YTHDC2: variants seen among roughly 807,000 people sequenced by gnomAD.
YTHDC2 encodes 3'-5' RNA helicase YTHDC2.
YTHDC2 carries 45 observed loss-of-function variants against 174.9 expected under a neutral mutation model. The ratio of observed to expected loss-of-function variants is 0.26; its 90% CI spans 0.20 to 0.33. The LOEUF (loss-of-function observed/expected upper bound fraction) is 0.33, where lower values mean the gene tolerates loss of function less well. Ranked by LOEUF, YTHDC2 falls within the 10% of genes least tolerant of loss-of-function variation. The pLI is 1.00. For missense variants in YTHDC2, 1,650 were observed against 1,723.7 expected (o/e 0.96, Z 0.76); for synonymous variants, 657 against 574.5 (o/e 1.14, Z -2.05).
chr5:113,513,981 G>T lies in YTHDC2; in HGVS notation c.86G>T (p.Gly29Val). 5 of 1,603,210 alleles carry T rather than the reference G, an allele frequency of 3.1e-6. No homozygotes were observed. Among genetic ancestry groups the T allele is most frequent in the Non-Finnish European group, 4.3e-6 (5 of 1,175,764 alleles). The part of the protein sequence containing the change: ...GGGPSPCGPG[G>V]GGRAKGLKDI... ...GGCCCCTCGCCTTGTGGCCCTGGGGGCGGCGGCCGGGCCAAGGGGCTGAAG... is the reference window on the plus strand; with the variant it reads ...GGCCCCTCGCCTTGTGGCCCTGGGGTCGGCGGCCGGGCCAAGGGGCTGAAG... Residue 29 changes from glycine (G) to valine (V), a missense_variant, in exon 1 of 30, where the codon GGC becomes GTC. Physicochemically the swap from Gly to Val is moderately radical, Grantham distance 109 (BLOSUM62 -3). This residue lies in a region of YTHDC2 where 304 missense variants were observed against 341.4 expected (regional missense o/e 0.89). Transcript: ENST00000161863.
intron 17 of YTHDC2, among the ~76,000 whole-genome samples, chr5:113,560,124 G>C (rs1776861373): frequency 6.6e-6 from 1 of 152,184 alleles, no homozygotes; most frequent in South Asian, 2.1e-4. Flanking sequence ...TTTTATGAAA[G>C]TTTTTGTGGG....
rs1777187018 is a variant in YTHDC2 at position 113,564,143 on chromosome 5, G to A, written c.2715+12G>A. On this transcript the variant is annotated intron_variant, in intron 20 of 29. Coordinates refer to ENST00000161863, the MANE Select transcript of YTHDC2 (RefSeq NM_022828.5). ...TCAGAGCATTCCAGGTACTATTACT[G>A]TCATTTTATTTCTGAAGACGTTGCT... 3 of 1,587,576 alleles carry A rather than the reference G, an allele frequency of 1.9e-6. No homozygotes were observed. Among genetic ancestry groups the A allele is most frequent in the Non-Finnish European group, 2.6e-6 (3 of 1,163,490 alleles).
intron 23 of YTHDC2, among the ~76,000 whole-genome samples, chr5:113,578,076 C>A (rs369868224): frequency 6.6e-6 from 1 of 152,086 alleles, no homozygotes; most frequent in African/African-American, 2.4e-5. Context: ...TTTTGTCTTA[C>A]TGAATTTTAA....
In YTHDC2 at chr5:113,515,348, C is replaced by T. The variant is rs1381247971; in HGVS notation, c.264C>T (p.Val88=). ...IHRLSQSLGL[V]SKSKGKGANR... ...GACTCAGTCAGTCTCTTGGTTTGGT[C>T]TCTAAAAGTAAAGGGTAAGCTGGTA... The change falls in exon 2 of 30, where the codon GTC becomes GTT. Residue 88 remains valine, a synonymous_variant. Coordinates refer to ENST00000161863, the MANE Select transcript of YTHDC2 (RefSeq NM_022828.5). 1 of 1,611,794 alleles carries T rather than the reference C, an allele frequency of 6.2e-7. No homozygotes were observed. The highest frequency in any genetic ancestry group is 1.1e-5 in the South Asian group (1 of 90,468).
At chr5:113,574,220 G>A (rs748407790) in intron 23 of YTHDC2, among the ~76,000 whole-genome samples, 1 of 152,170 alleles carries the variant, frequency 6.6e-6, no homozygotes, top group Non-Finnish European at 1.5e-5. Context: ...CCATAGGGCT[G>A]CTGCGGTTTG....
rs566959598 is a variant in YTHDC2, at chr5:113,567,075, G to T, written c.2843-17G>T. The T allele has an allele frequency of 1.3e-5, 21 of 1,602,716 alleles. No individual in the cohort carries two copies. In the African/African-American group the frequency reaches 1.9e-4, roughly 14 times the overall value. ...TTTGCACAATAGAAAAATTGGTGTGGTTTTTTTCCCCTCTAGGTTTTGTTA... is the reference window on the plus strand; with the variant it reads ...TTTGCACAATAGAAAAATTGGTGTGTTTTTTTTCCCCTCTAGGTTTTGTTA... On this transcript the variant is annotated splice_polypyrimidine_tract_variant and intron_variant, in intron 21 of 29. Transcript: ENST00000161863.
chr5:113,539,233 T>C, intron 8 of YTHDC2, 52 bp downstream of exon 8: 1 of 743,488 alleles, frequency 1.3e-6, no homozygotes, highest in Non-Finnish European at 2.0e-6. Context: ...GATAATGACT[T>C]TGGAGTACTC....
At chr5:113,575,725 G>A (rs1778002033) in intron 23 of YTHDC2, among the ~76,000 whole-genome samples, 1 of 152,214 alleles carries the variant, frequency 6.6e-6, no homozygotes, top group Non-Finnish European at 1.5e-5. Context: ...AAGGTTTTAA[G>A]TAAAGGAATG....
At chr5:113,588,270 C>T (rs1778803603) in intron 26 of YTHDC2, among the ~76,000 whole-genome samples, 1 of 152,000 alleles carries the variant, frequency 6.6e-6, no homozygotes. Context: ...CATATCTTTC[C>T]CTTGATCTTA....
intron 4 of YTHDC2, among the ~76,000 whole-genome samples, chr5:113,528,937 T>G (rs1375210325): frequency 6.6e-6 from 1 of 151,916 alleles, no homozygotes; most frequent in Non-Finnish European, 1.5e-5. Context: ...TGGTGGGGGG[T>G]TTGTATGTTT....
Position 113,567,160 on chromosome 5 carries a change from G to C in YTHDC2, c.2911G>C (p.Val971Leu). The change falls in exon 22 of 30, where the codon GTT becomes CTT. Residue 971 changes from valine (V) to leucine (L), a missense_variant. Val to Leu is a conservative substitution (Grantham distance 32, BLOSUM62 1). Around this residue, in one of 5 missense-constraint regions of YTHDC2, gnomAD observed 913 missense variants for 940.4 expected, o/e 0.97. Coordinates refer to ENST00000161863, the MANE Select transcript of YTHDC2 (RefSeq NM_022828.5). The part of the protein sequence containing the change: ...VNTNSENWAV[V>L]KAALVAGMYP... The stretch of plus-strand genomic sequence containing the variant: ...CACAAACTCTGAGAATTGGGCTGTC[G>C]TTAAAGCTGCATTGGTGGCAGGCAT... 1 of 1,613,854 alleles carries C rather than the reference G, an allele frequency of 6.2e-7. No individual in the cohort carries two copies. Among genetic ancestry groups the C allele is most frequent in the Non-Finnish European group, 8.5e-7 (1 of 1,179,906 alleles).
intron 10 of YTHDC2, among the ~76,000 whole-genome samples, chr5:113,547,889 G>A (rs1251353860): frequency 1.3e-5 from 2 of 152,048 alleles, no homozygotes; most frequent in East Asian, 3.8e-4. Flanking sequence ...TACCAATTTT[G>A]TAATTTAAGC....
At chr5:113,527,440 C>G (rs6869784) in intron 4 of YTHDC2, among the ~76,000 whole-genome samples, 3 of 152,042 alleles carry the variant, frequency 2.0e-5, no homozygotes, top group Non-Finnish European at 4.4e-5. Context: ...TACATTCTTG[C>G]GGCATTTCAG....
At chr5:113,547,390 C>T (rs754485518) in intron 10 of YTHDC2, among the ~76,000 whole-genome samples, 3 of 152,140 alleles carry the variant, frequency 2.0e-5, no homozygotes, top group African/African-American at 4.8e-5. Context: ...ACAAACCCAC[C>T]TCAAAAAACA....
In YTHDC2 at chr5:113,563,951, C is replaced by G; in HGVS notation, c.2535C>G (p.Val845=). 6.2e-7 allele frequency: 1 copy of G among 1,614,120 alleles called. No homozygotes were observed. The highest frequency in any genetic ancestry group is 8.5e-7 in the Non-Finnish European group (1 of 1,180,022). ...TAGAACCACATCTTGGTAAAATGGTCTTGTGTGCTGTTGTTTTAAAGTGTC... is the reference window on the plus strand; with the variant it reads ...TAGAACCACATCTTGGTAAAATGGTGTTGTGTGCTGTTGTTTTAAAGTGTC... ...LPVEPHLGKM[V]LCAVVLKCLD... The change falls in exon 20 of 30, where the codon GTC becomes GTG. Residue 845 remains valine, a synonymous_variant. Transcript: ENST00000161863.
In YTHDC2 at chr5:113,568,136, G is replaced by A. The variant is rs186371455; in HGVS notation, c.3244+287G>A. Among the ~76,000 whole-genome samples, 6 of 151,978 alleles carry A rather than the reference G, an allele frequency of 3.9e-5. No individual in the cohort carries two copies. The East Asian group carries it at 1.2e-3, about 29-fold the overall frequency. Reference sequence around the variant, plus strand: ...TAAATGATAGTTTAACGTAAATAAAGTTAATTGTAAAAGAAATAATAGCCA... The same window carrying A: ...TAAATGATAGTTTAACGTAAATAAAATTAATTGTAAAAGAAATAATAGCCA... On this transcript the variant is annotated intron_variant, in intron 23 of 29. Transcript: ENST00000161863.
chr5:113,572,888 CGTGG>C (rs1174610335), intron 23 of YTHDC2, among the ~76,000 whole-genome samples: 5 of 152,164 alleles, frequency 3.3e-5, no homozygotes, highest in African/African-American at 1.2e-4. Flanking sequence ...ACAGCATACT[CGTGG>C]GTCTTGGCTC....
intron 16 of YTHDC2, 131 bp from the exon 17 acceptor site, chr5:113,555,921 G>A (rs1776575475): frequency 3.7e-6 from 2 of 538,916 alleles, no homozygotes; most frequent in African/African-American, 3.9e-5. Flanking sequence ...CAGTACTGCT[G>A]TTTTAATTAT....
Position 113,553,756 on chromosome 5 carries a change from A to G in YTHDC2, c.1965-11A>G, listed in dbSNP as rs113359243. ...GTCTTATAGTATGTTTTCTCTTTCA[A>G]TTGTCTGCAGATACCAAGTCTTTAT... On this transcript the variant is annotated splice_polypyrimidine_tract_variant and intron_variant, in intron 14 of 29. Transcript: ENST00000161863. 6.2e-7 allele frequency: 1 copy of G among 1,612,166 alleles called. No individual in the cohort carries two copies. Among genetic ancestry groups the G allele is most frequent in the Admixed American group, 1.7e-5 (1 of 59,648 alleles).
Sources: gnomAD v4.1 joint callset for allele counts (sites outside exome capture counted in the v4.1 genomes callset) on GRCh38, gnomAD v4.1.1 for gene constraint, gnomAD v4.1.1 regional missense constraint, MANE v1.5 for transcripts, NCBI Gene and HGNC (gene_info 2026-07-23, HGNC 2026-07-21) for gene names.